The following MAP3K7CL variants were observed in gnomAD, a reference collection of about 807,000 sequenced individuals.
MAP3K7CL encodes the protein MAP3K7 C-terminal-like protein.
Under a neutral mutation model 18.6 loss-of-function variants are expected in MAP3K7CL, and 16 were observed. That is an observed-to-expected ratio of 0.86 (90% CI 0.58 to 1.31). MAP3K7CL has a LOEUF of 1.31. Ranked by LOEUF, MAP3K7CL falls within the 50% of genes most tolerant of loss-of-function variation. MAP3K7CL has a pLI of 0.00. For synonymous variants in MAP3K7CL, 65 were observed against 66.8 expected (o/e 0.97, Z 0.13); for missense variants, 163 against 174.4 (o/e 0.93, Z 0.37).
At chr21:29,085,571 A>T (rs1174902380), upstream of MAP3K7CL, among the ~76,000 whole-genome samples, 1 of 131,642 alleles carries the variant, frequency 7.6e-6, no homozygotes, top group African/African-American at 2.9e-5. Context: ...AAAAAAAAAA[A>T]GCATTTAAAT....
Position 29,098,654 on chromosome 21 carries a change from C to T in MAP3K7CL, c.370+6073C>T, listed in dbSNP as rs1432465485. Among the ~76,000 whole-genome samples the T allele has an allele frequency of 2.6e-5, 4 of 152,276 alleles. No homozygotes were observed. In the East Asian group the frequency reaches 7.7e-4, roughly 29 times the overall value. On this transcript the variant is annotated intron_variant, in intron 4 of 6. Coordinates refer to the MAP3K7CL transcript ENST00000286791. The stretch of plus-strand genomic sequence containing the variant: ...TTTTGCAAAGGCGGAAATTAGGACT[C>T]AGAGAGGGCAAATAACTAGCTTGTG...
intron 4 of MAP3K7CL, among the ~76,000 whole-genome samples, chr21:29,097,436 A>T (rs549530958): frequency 6.6e-6 from 1 of 152,342 alleles, no homozygotes; most frequent in Admixed American, 6.5e-5. Flanking sequence ...CATAAAACAT[A>T]GGAGGTAGAA....
chr21:29,129,112 T>C (rs549654767), upstream of MAP3K7CL, among the ~76,000 whole-genome samples: 3 of 152,314 alleles, frequency 2.0e-5, no homozygotes, highest in Admixed American at 2.0e-4. Flanking sequence ...GGAATTCCCA[T>C]ATATTTCCTC....
Position 29,174,988 on chromosome 21 carries a change from CT to C in MAP3K7CL, c.*98del. ...AATGAATAGTGAGTCAGATCTATTG[CT>C]TCTCTGTATTACCCACATGACAACT... On this transcript the variant is annotated 3_prime_UTR_variant, in exon 5 of 5. Coordinates refer to ENST00000399928, the MANE Select transcript of MAP3K7CL (RefSeq NM_001286620.2). The C allele has an allele frequency of 1.6e-6, 2 of 1,239,972 alleles. No homozygotes were observed. Among genetic ancestry groups the C allele is most frequent in the African/African-American group, 1.5e-5 (1 of 66,314 alleles). The allele number at this position is 1,239,972 out of a possible 1,614,324, so 76.8% of individuals were successfully genotyped here.
Position 29,093,146 on chromosome 21 carries a change from C to T in MAP3K7CL, c.370+565C>T, listed in dbSNP as rs57709867. On this transcript the variant is annotated intron_variant, in intron 4 of 6. Coordinates refer to the MAP3K7CL transcript ENST00000286791. ...CTCAAACTCCTGACTTCAAGTGATC[C>T]GCCCGCCTCGTCCTCCCAAAGTGCT... Among the ~76,000 whole-genome samples, 663 of 152,342 alleles carry T rather than the reference C, an allele frequency of 4.4e-3. 4 individuals carry two copies. Among genetic ancestry groups the T allele is most frequent in the African/African-American group, 0.014 (593 of 41,582 alleles).
intron 2 of MAP3K7CL, among the ~76,000 whole-genome samples, chr21:29,133,818 C>T (rs989065430): frequency 1.3e-5 from 2 of 152,172 alleles, no homozygotes; most frequent in African/African-American, 2.4e-5. Flanking sequence ...TTTGCTGAAG[C>T]GTAAGTTAGA....
rs746838438 is a variant in MAP3K7CL at position 29,137,038 on chromosome 21, G to A, written c.70+3624G>A. 7.9e-5 allele frequency among the ~76,000 whole-genome samples: 12 copies of A among 152,306 alleles called. No individual in the cohort carries two copies. The East Asian group carries it at 1.7e-3, about 22-fold the overall frequency. ...GATGCGTATAGTAGTAATTCACAGG[G>A]TTGTAATAAGAAGCCAATGACATCT... On this transcript the variant is annotated intron_variant, in intron 2 of 4. Coordinates refer to ENST00000399928, the MANE Select transcript of MAP3K7CL (RefSeq NM_001286620.2).
intron 4 of MAP3K7CL, among the ~76,000 whole-genome samples, chr21:29,101,380 G>C (rs1360055664): frequency 3.3e-5 from 5 of 152,164 alleles, no homozygotes; most frequent in African/African-American, 9.7e-5. Flanking sequence ...TGAAGGCTTT[G>C]TTCTCAGCCT....
At chr21:29,147,669 CTG>C (rs1267053274) in intron 2 of MAP3K7CL, among the ~76,000 whole-genome samples, 2 of 150,496 alleles carry the variant, frequency 1.3e-5, no homozygotes, top group African/African-American at 2.4e-5. Context: ...TGTATCTGTA[CTG>C]TCTCTATTGT....
chr21:29,107,068 A>T (rs2146546953), intron 4 of MAP3K7CL, among the ~76,000 whole-genome samples: 1 of 152,354 alleles, frequency 6.6e-6, no homozygotes, highest in African/African-American at 2.4e-5. Context: ...CTGTAATCTC[A>T]GCACTTTGGG....
At position 29,089,135 on chromosome 21, in the gene MAP3K7CL, A is replaced by G. The variant is rs2085975720; in HGVS notation, c.58-2366A>G. 2.9e-5 allele frequency among the ~76,000 whole-genome samples: 4 copies of G among 139,378 alleles called. No homozygotes were observed. In the Admixed American group the frequency reaches 3.1e-4, roughly 11 times the overall value. The allele number at this position is 139,378 out of a possible 152,430, so 91.4% of individuals were successfully genotyped here. On this transcript the variant is annotated intron_variant, in intron 1 of 6. Transcript: ENST00000286791. The stretch of plus-strand genomic sequence containing the variant: ...CAGTGAGCCGAGATCGCACCACTAT[A>G]CTCCAGCCTGGTGACAGAGCGAGAC...
At chr21:29,104,063 ATGT>A in intron 4 of MAP3K7CL, among the ~76,000 whole-genome samples, 1 of 152,114 alleles carries the variant, frequency 6.6e-6, no homozygotes, top group South Asian at 2.1e-4. Flanking sequence ...TCTTGCCATG[ATGT>A]TGTTTACTTT....
chr21:29,115,117 C>T (rs989698306), intron 4 of MAP3K7CL, among the ~76,000 whole-genome samples: 18 of 152,128 alleles, frequency 1.2e-4, no homozygotes, highest in African/African-American at 4.3e-4. Context: ...TGATGTGTCC[C>T]GCCTCTGCTG....
At chr21:29,118,645 C>G (rs1291770044) in intron 4 of MAP3K7CL, among the ~76,000 whole-genome samples, 1 of 152,164 alleles carries the variant, frequency 6.6e-6, no homozygotes, top group South Asian at 2.1e-4. Flanking sequence ...TGTGAAGGCA[C>G]AAAGTTGGCA....
chr21:29,166,495 A>G (rs1158354935), intron 4 of MAP3K7CL, among the ~76,000 whole-genome samples: 3 of 152,180 alleles, frequency 2.0e-5, no homozygotes, highest in Admixed American at 2.0e-4. Context: ...TTGTGCAACC[A>G]TCACCAACTT....
chr21:29,093,827 TA>T (rs1437128635), intron 4 of MAP3K7CL, among the ~76,000 whole-genome samples: 2 of 152,128 alleles, frequency 1.3e-5, no homozygotes, highest in Non-Finnish European at 1.5e-5. Flanking sequence ...CTCTGCCACT[TA>T]GCAGGCAGTA....
rs556512896 is a variant in MAP3K7CL at position 29,141,313 on chromosome 21, G to C, written c.71-7876G>C. 3.3e-5 allele frequency among the ~76,000 whole-genome samples: 5 copies of C among 152,142 alleles called. No individual in the cohort carries two copies. In the South Asian group the frequency reaches 8.3e-4, roughly 25 times the overall value. On this transcript the variant is annotated intron_variant, in intron 2 of 4. Coordinates refer to ENST00000399928, the MANE Select transcript of MAP3K7CL (RefSeq NM_001286620.2). Reference sequence around the variant, plus strand: ...GGGGATCATGAGGTCAGGAGATGGAGACTATCCTGGCTAACGTGGTGAAAC... The same window carrying C: ...GGGGATCATGAGGTCAGGAGATGGACACTATCCTGGCTAACGTGGTGAAAC...
At chr21:29,109,418 G>A (rs2086381407) in intron 4 of MAP3K7CL, 2 of 1,291,976 alleles carry the variant, frequency 1.5e-6, no homozygotes, top group South Asian at 2.2e-5. Context: ...GCCAGGAGGT[G>A]TTAAGTATTT....
At chr21:29,150,771 C>T (rs1601245928) in intron 3 of MAP3K7CL, among the ~76,000 whole-genome samples, 1 of 127,148 alleles carries the variant, frequency 7.9e-6, no homozygotes, top group Non-Finnish European at 1.6e-5. Context: ...TCTACCTTTC[C>T]TTTTTTTTTT....
Sources: allele counts gnomAD v4.1 joint callset (sites outside exome capture counted in the v4.1 genomes callset), GRCh38; gene constraint gnomAD v4.1.1; transcripts MANE v1.5; gene names NCBI Gene and HGNC (gene_info 2026-07-23, HGNC 2026-07-21).